The following ANK3 variants were observed in gnomAD, a reference collection of about 807,000 sequenced individuals.
The protein encoded by ANK3 is ankyrin 3.
ANK3 carries 57 observed loss-of-function variants against 370.9 expected under a neutral mutation model. The observed-to-expected ratio is 0.15, with a 90% CI of 0.12 to 0.19. The LOEUF (loss-of-function observed/expected upper bound fraction) is 0.19, where lower values mean the gene tolerates loss of function less well. Ranked by LOEUF, ANK3 falls within the 10% of genes least tolerant of loss-of-function variation. The pLI is 1.00. For synonymous variants in ANK3, 1,929 were observed against 1,946.3 expected (o/e 0.99, Z 0.23); for missense variants, 4,439 against 5,302.1 (o/e 0.84, Z 5.06).
chr10:60,523,388 C>G (rs1236881883), intron 2 of ANK3, among the ~76,000 whole-genome samples: 3 of 114,818 alleles, frequency 2.6e-5, no homozygotes, highest in Non-Finnish European at 5.3e-5. Flanking sequence ...TATCCCTCCC[C>G]CCTCCCCCCA....
chr10:60,526,939 G>A (rs937973462), intron 2 of ANK3, among the ~76,000 whole-genome samples: 3 of 152,004 alleles, frequency 2.0e-5, no homozygotes, highest in Non-Finnish European at 4.4e-5. Context: ...GTCATTTTCT[G>A]AATATATGTA....
At chr10:60,470,385 G>A (rs1351399364) in intron 2 of ANK3, among the ~76,000 whole-genome samples, 1 of 152,006 alleles carries the variant, frequency 6.6e-6, no homozygotes, top group African/African-American at 2.4e-5. Flanking sequence ...TTTCTTGCAA[G>A]TCAACATTTT....
chr10:60,567,241 G>A (rs2077485289), intron 2 of ANK3, among the ~76,000 whole-genome samples: 1 of 152,118 alleles, frequency 6.6e-6, no homozygotes, highest in Non-Finnish European at 1.5e-5. Flanking sequence ...AGCTTCAAAG[G>A]ACAGGCTGAC....
chr10:60,058,054 T>C, intron 41 of ANK3, among the ~76,000 whole-genome samples: 1 of 152,222 alleles, frequency 6.6e-6, no homozygotes, highest in East Asian at 1.9e-4. Flanking sequence ...AAGTAAAATA[T>C]ATTTTAGTCT....
intron 2 of ANK3, among the ~76,000 whole-genome samples, chr10:60,583,511 G>GTTTTTTTTTTTTTTTTT (rs750384975): frequency 2.0e-5 from 2 of 100,078 alleles, no homozygotes; most frequent in Non-Finnish European, 4.4e-5. Context: ...GAGGTTTTTT[G>GTTTTTTTTTTTTTTTTT]TTTTTTGTTT....
chr10:60,336,579 C>CTATT, intron 1 of ANK3, among the ~76,000 whole-genome samples: 1 of 151,896 alleles, frequency 6.6e-6, no homozygotes, highest in Middle Eastern at 3.4e-3. Flanking sequence ...ATCTATCTAT[C>CTATT]TATCTATCTA....
At position 60,301,158 on chromosome 10, in the gene ANK3, G is replaced by GTA. The variant is rs1210245601; in HGVS notation, c.115-21521_115-21520dup. ...TATATATATATATGTATCTGTGTGT[G>GTA]TATATATATATACACACTATATATA... On this transcript the variant is annotated intron_variant, in intron 1 of 43. Coordinates refer to ENST00000280772, the MANE Select transcript of ANK3 (RefSeq NM_020987.5). 1.5e-3 allele frequency among the ~76,000 whole-genome samples: 215 copies of GTA among 145,544 alleles called. 2 individuals are homozygous for GTA. Among genetic ancestry groups the GTA allele is most frequent in the African/African-American group, 4.7e-3 (187 of 39,380 alleles).
Position 60,057,642 on chromosome 10 carries a change from A to G in ANK3, c.12687-1606T>C, listed in dbSNP as rs563883447. Among the ~76,000 whole-genome samples, 16 of 152,312 alleles carry G rather than the reference A, an allele frequency of 1.1e-4. No homozygotes were observed. In the East Asian group the frequency reaches 3.1e-3, roughly 29 times the overall value. On this transcript the variant is annotated intron_variant, in intron 41 of 43. Coordinates refer to ENST00000280772, the MANE Select transcript of ANK3 (RefSeq NM_020987.5). ...CTCCTACCCTGCATATTCTGATAAC[A>G]GGAGCAAAGTGACTGGCATTTTCCT...
chr10:60,053,581 G>GGTAA, intron 42 of ANK3: 2 of 958,790 alleles, frequency 2.1e-6, no homozygotes, highest in Non-Finnish European at 2.8e-6. Flanking sequence ...TCTAGGAATT[G>GGTAA]GTAAAGGGGA....
chr10:60,731,864 C>T (rs1197817307), intron 1 of ANK3, among the ~76,000 whole-genome samples: 1 of 152,158 alleles, frequency 6.6e-6, no homozygotes, highest in East Asian at 1.9e-4. Flanking sequence ...AGAAAGTGAC[C>T]TCTTCCAAAA....
chr10:60,562,156 T>C, intron 2 of ANK3, among the ~76,000 whole-genome samples: 1 of 152,196 alleles, frequency 6.6e-6, no homozygotes, highest in East Asian at 1.9e-4. Context: ...CCAACAAACA[T>C]ATCTCATGGA....
At chr10:60,438,071 C>T (rs2064202680) in intron 2 of ANK3, among the ~76,000 whole-genome samples, 1 of 152,086 alleles carries the variant, frequency 6.6e-6, no homozygotes, top group South Asian at 2.1e-4. Flanking sequence ...CTTATCTTAG[C>T]CAGAAATTCA....
At chr10:60,124,869 GT>G (rs1396799933) in intron 25 of ANK3, among the ~76,000 whole-genome samples, 1 of 152,200 alleles carries the variant, frequency 6.6e-6, no homozygotes, top group African/African-American at 2.4e-5. Flanking sequence ...CGTCTGTAAA[GT>G]GGTAATCATA....
intron 6 of ANK3, among the ~76,000 whole-genome samples, chr10:60,263,162 A>G (rs951060844): frequency 2.0e-5 from 3 of 152,184 alleles, no homozygotes; most frequent in Non-Finnish European, 4.4e-5. Context: ...AGGTTAACAC[A>G]TTTGGAAGCA....
chr10:60,572,807 T>C (rs2077630716), intron 2 of ANK3: 1 of 1,203,514 alleles, frequency 8.3e-7, no homozygotes, highest in Non-Finnish European at 1.0e-6. Flanking sequence ...CTTTCATTTT[T>C]AACTAATCGT....
intron 7 of ANK3, among the ~76,000 whole-genome samples, chr10:60,252,375 G>C (rs1012852067): frequency 2.6e-5 from 4 of 152,170 alleles, no homozygotes; most frequent in African/African-American, 9.7e-5. Flanking sequence ...TCTGGGGCAT[G>C]GCAGCCCCTA....
chr10:60,656,321 C>G (rs978509012), intron 1 of ANK3, among the ~76,000 whole-genome samples: 1 of 151,892 alleles, frequency 6.6e-6, no homozygotes. Context: ...CCAGTATTTT[C>G]CTTCTAATGT....
chr10:60,157,848 C>G (rs1170608145), intron 23 of ANK3, among the ~76,000 whole-genome samples: 1 of 142,244 alleles, frequency 7.0e-6, no homozygotes, highest in Non-Finnish European at 1.5e-5. Flanking sequence ...AAGTTATTGG[C>G]CTTAAAGAGA....
chr10:60,416,790 C>T (rs891853843), intron 2 of ANK3, among the ~76,000 whole-genome samples: 2 of 152,294 alleles, frequency 1.3e-5, no homozygotes, highest in Non-Finnish European at 2.9e-5. Flanking sequence ...TATCACCACT[C>T]AGACTTTTAC....
Sources: allele counts gnomAD v4.1 joint callset (sites outside exome capture counted in the v4.1 genomes callset), GRCh38; gene constraint gnomAD v4.1.1; transcripts MANE v1.5; gene names NCBI Gene and HGNC (gene_info 2026-07-23, HGNC 2026-07-21).